Variants in NBAS observed in about 807,000 individuals in gnomAD.
NBAS encodes NBAS subunit of NRZ tethering complex.
Under a neutral mutation model 302.5 loss-of-function variants are expected in NBAS, and 219 were observed. The ratio of observed to expected loss-of-function variants is 0.72; its 90% CI spans 0.65 to 0.81. NBAS has a LOEUF of 0.81. Ranked by LOEUF, NBAS falls within the 30% of genes least tolerant of loss-of-function variation. The pLI is 0.00. For missense variants in NBAS, 2,932 were observed against 2,841.6 expected (o/e 1.03, Z -0.72); for synonymous variants, 1,118 against 1,021.6 (o/e 1.09, Z -1.80).
intron 11 of NBAS, among the ~76,000 whole-genome samples, chr2:15,501,823 T>C (rs11687677): frequency 0.59 from 89,260 of 151,342 alleles, 26,944 homozygotes; most frequent in Middle Eastern, 0.64. Flanking sequence ...AGTGCAGTGG[T>C]ACAATCATGG....
chr2:15,415,693 AC>A lies in NBAS; in HGVS notation c.2789del (p.Ser930MetfsTer25), dbSNP rs751490704. On this transcript the variant is annotated frameshift_variant, in exon 25 of 52. Coordinates refer to ENST00000281513, the MANE Select transcript of NBAS (RefSeq NM_015909.4). LOFTEE classifies it high-confidence loss of function. ...NSCSEDKYVT[S>X]AYQWMVPFLH... ...GAAAGGGAACCATCCACTGGTAGGC[AC>A]TTGTCACATATTTATCCTCAGAACA... 12 of 1,614,098 alleles carry A rather than the reference AC, an allele frequency of 7.4e-6. No individual in the cohort carries two copies. Among genetic ancestry groups the A allele is most frequent in the Non-Finnish European group, 1.7e-6 (2 of 1,180,052 alleles).
At chr2:15,162,443 C>G (rs1236344476), downstream of NBAS, among the ~76,000 whole-genome samples, 1 of 152,198 alleles carries the variant, frequency 6.6e-6, no homozygotes, top group Non-Finnish European at 1.5e-5. Flanking sequence ...TTCCACAACT[C>G]TGACAGCCAC....
At chr2:15,501,908 G>A (rs1016497705) in intron 11 of NBAS, among the ~76,000 whole-genome samples, 7 of 152,074 alleles carry the variant, frequency 4.6e-5, no homozygotes, top group Non-Finnish European at 7.4e-5. Context: ...GATAACAGGT[G>A]TAAGCCACCA....
chr2:15,381,085 C>T (rs189025035), intron 29 of NBAS, among the ~76,000 whole-genome samples: 4 of 152,274 alleles, frequency 2.6e-5, no homozygotes, highest in Admixed American at 2.6e-4. Flanking sequence ...ATCCAAATGA[C>T]TTATATGTCA....
At chr2:14,812,771 A>T in the NBAS span, among the ~76,000 whole-genome samples, 2 of 152,138 alleles carry the variant, frequency 1.3e-5, no homozygotes, top group African/African-American at 2.4e-5. Flanking sequence ...TGGCATAAAA[A>T]ACCTGAAGAT....
the NBAS span, among the ~76,000 whole-genome samples, chr2:15,138,243 G>A: frequency 2.0e-5 from 3 of 152,144 alleles, no homozygotes. Context: ...TCTTGTAGGG[G>A]AGAAAAAAGC....
At chr2:14,797,462 G>T in the NBAS span, among the ~76,000 whole-genome samples, 2 of 152,160 alleles carry the variant, frequency 1.3e-5, no homozygotes, top group Non-Finnish European at 2.9e-5. Context: ...AAGGCGGCGG[G>T]ACTGAATGAG....
the NBAS span, among the ~76,000 whole-genome samples, chr2:14,834,378 T>G: frequency 6.6e-6 from 1 of 152,170 alleles, no homozygotes; most frequent in Admixed American, 6.5e-5. Flanking sequence ...GTCTCCATTT[T>G]GAGTGCTCTC....
chr2:15,199,625 A>T (rs1296649126), intron 48 of NBAS, among the ~76,000 whole-genome samples: 1 of 152,186 alleles, frequency 6.6e-6, no homozygotes, highest in African/African-American at 2.4e-5. Flanking sequence ...GGTAAATTTG[A>T]TTAATACATG....
the NBAS span, among the ~76,000 whole-genome samples, chr2:15,113,142 G>C: frequency 9.2e-5 from 14 of 152,118 alleles, no homozygotes; most frequent in Non-Finnish European, 2.1e-4. Flanking sequence ...ATGTGGGATA[G>C]AGAAATAAGT....
chr2:15,097,645 G>A, the NBAS span, among the ~76,000 whole-genome samples: 1 of 151,576 alleles, frequency 6.6e-6, no homozygotes, highest in African/African-American at 2.4e-5. Flanking sequence ...AAGAGAGCAG[G>A]CGAGCTTTCT....
chr2:15,101,728 T>A, the NBAS span, among the ~76,000 whole-genome samples: 161 of 152,076 alleles, frequency 1.1e-3, 1 homozygote, highest in East Asian at 6.6e-3. Flanking sequence ...CAGATGGGAG[T>A]GAGTTCAGAA....
intron 41 of NBAS, among the ~76,000 whole-genome samples, chr2:15,287,902 G>T (rs927045439): frequency 1.3e-5 from 2 of 151,332 alleles, no homozygotes; most frequent in Non-Finnish European, 2.9e-5. Context: ...TAAACATCCT[G>T]AGCACCCCGT....
At chr2:15,121,571 A>G in the NBAS span, among the ~76,000 whole-genome samples, 1 of 152,326 alleles carries the variant, frequency 6.6e-6, no homozygotes, top group East Asian at 1.9e-4. Flanking sequence ...AAAAAATTAC[A>G]TCTTTATTTT....
At chr2:15,137,766 G>C in the NBAS span, among the ~76,000 whole-genome samples, 2 of 152,252 alleles carry the variant, frequency 1.3e-5, no homozygotes, top group South Asian at 2.1e-4. Flanking sequence ...ACTTTGAAAA[G>C]GGGGGTTGGA....
At chr2:14,967,290 C>G in the NBAS span, among the ~76,000 whole-genome samples, 1 of 151,982 alleles carries the variant, frequency 6.6e-6, no homozygotes, top group Non-Finnish European at 1.5e-5. Context: ...TATAGAAAGC[C>G]AGTTTCAAAA....
chr2:15,338,643 A>T (rs1672700530), intron 35 of NBAS, among the ~76,000 whole-genome samples: 1 of 150,172 alleles, frequency 6.7e-6, no homozygotes, highest in Non-Finnish European at 1.5e-5. Context: ...ACAAACATGC[A>T]TGTGCACTCA....
At chr2:15,021,163 G>A in the NBAS span, among the ~76,000 whole-genome samples, 2 of 152,236 alleles carry the variant, frequency 1.3e-5, no homozygotes, top group Admixed American at 6.5e-5. Context: ...AACCTGAGAG[G>A]TGGAAGTTGC....
At chr2:14,884,962 C>T in the NBAS span, among the ~76,000 whole-genome samples, 1 of 152,144 alleles carries the variant, frequency 6.6e-6, no homozygotes. Flanking sequence ...CCTTGGTAGA[C>T]AGACAATGTG....
Sources: allele counts gnomAD v4.1 joint callset (sites outside exome capture counted in the v4.1 genomes callset), GRCh38; gene constraint gnomAD v4.1.1; transcripts MANE v1.5; gene names NCBI Gene and HGNC (gene_info 2026-07-23, HGNC 2026-07-21).